Variants in PDE2A observed in about 807,000 individuals in gnomAD.
PDE2A encodes cGMP-dependent 3',5'-cyclic phosphodiesterase.
In PDE2A, 53 loss-of-function variants were observed where a neutral mutation model predicts 133.6. The observed-to-expected ratio is 0.40, with a 90% CI of 0.32 to 0.50. The LOEUF (loss-of-function observed/expected upper bound fraction) is 0.50. Ranked by LOEUF, PDE2A falls within the 20% of genes least tolerant of loss-of-function variation. The pLI, the probability that PDE2A is intolerant of heterozygous loss-of-function variation, is 0.73. For missense variants in PDE2A, 796 were observed against 1,232.4 expected (o/e 0.65, Z 5.30); for synonymous variants, 491 against 490.2 (o/e 1.00, Z -0.02).
intron 16 of PDE2A, 42 bp from the exon 17 acceptor site, chr11:72,584,986 C>A: frequency 6.3e-7 from 1 of 1,586,080 alleles, no homozygotes. Flanking sequence ...CTGACAACCC[C>A]CTCTGATCGC....
At chr11:72,623,565 C>T (rs1857892481) in intron 2 of PDE2A, among the ~76,000 whole-genome samples, 1 of 152,116 alleles carries the variant, frequency 6.6e-6, no homozygotes, top group Non-Finnish European at 1.5e-5. Context: ...CACTGCACAC[C>T]TTCACCTGGA....
Position 72,585,585 on chromosome 11 carries a change from G to C in PDE2A, c.1191C>G (p.Leu397=). The C allele has an allele frequency of 6.2e-7, 1 of 1,614,082 alleles. No individual in the cohort carries two copies. The highest frequency in any genetic ancestry group is 8.5e-7 in the Non-Finnish European group (1 of 1,179,960). Residue 397 remains leucine, a synonymous_variant, in exon 15 of 31, where the codon CTC becomes CTG. Transcript: ENST00000334456. ...GGGTGAAGAGGTTCTTTGCCACTTGGAGAAGAGCCTGGAATGAAGGAAATG... is the reference window on the plus strand; with the variant it reads ...GGGTGAAGAGGTTCTTTGCCACTTGCAGAAGAGCCTGGAATGAAGGAAATG... ...QKLKCECQAL[L]QVAKNLFTHL...
chr11:72,584,216 G>T lies in PDE2A; in HGVS notation c.1635C>A (p.Gly545=). 1 of 1,464,754 alleles carries T rather than the reference G, an allele frequency of 6.8e-7. No homozygotes were observed. Among genetic ancestry groups the T allele is most frequent in the Non-Finnish European group, 9.3e-7 (1 of 1,072,878 alleles). The allele number at this position is 1,464,754 out of a possible 1,614,324, so 90.7% of individuals were successfully genotyped here. ...CCGCCCTCACATGGGCGATGCTGAT[G>T]CCGCAGTAGATGGAGAAGGCCGTCG... ...DLATAFSIYC[G]ISIAHSLLYK... is the part of the protein sequence containing the mutation. The change falls in exon 19 of 31, where the codon GGC becomes GGA. Residue 545 remains glycine (G), a synonymous_variant. Transcript: ENST00000334456.
intron 1 of PDE2A, among the ~76,000 whole-genome samples, chr11:72,647,016 C>T (rs1227677964): frequency 6.6e-6 from 1 of 152,158 alleles, no homozygotes. Flanking sequence ...TTCACCTATC[C>T]CCAGCCCTCC....
At chr11:72,584,380 C>G (rs760010835) in intron 18 of PDE2A, 67 bp from the exon 19 acceptor site, 10 of 1,272,290 alleles carry the variant, frequency 7.9e-6, no homozygotes, top group Non-Finnish European at 1.1e-5. Flanking sequence ...AGGGATCCGG[C>G]CGGGACCTGC....
intron 13 of PDE2A, chr11:72,587,820 C>G (rs1856045142): frequency 6.6e-6 from 1 of 152,278 alleles, no homozygotes; most frequent in Non-Finnish European, 1.5e-5. Context: ...ACTGTCAACA[C>G]AGTTCCATGC....
intron 2 of PDE2A, among the ~76,000 whole-genome samples, chr11:72,640,152 T>G (rs1045372423): frequency 6.6e-6 from 1 of 151,112 alleles, no homozygotes; most frequent in African/African-American, 2.4e-5. Flanking sequence ...ACACCCTCAC[T>G]TCACACCACA....
chr11:72,596,618 G>A lies in PDE2A; in HGVS notation c.464C>T (p.Ala155Val). Residue 155 changes from alanine to valine, a missense_variant, in exon 6 of 31, where the codon GCT becomes GTT. Physicochemically the swap from Ala to Val is moderately conservative, Grantham distance 64. Coordinates refer to ENST00000334456, the MANE Select transcript of PDE2A (RefSeq NM_002599.5). Reference protein sequence around the residue: ...VLVMPLADKEAGAVAAVILVH... With the variant: ...VLVMPLADKEVGAVAAVILVH... ...CAAGATGACAGCTGCCACGGCCCCA[G>A]CCTCCTTGTCCGCTAGCGGCATGAC... is the stretch of plus-strand genomic sequence containing the variant. The A allele has an allele frequency of 6.6e-7, 1 of 1,515,186 alleles. No homozygotes were observed. The highest frequency in any genetic ancestry group is 8.9e-7 in the Non-Finnish European group (1 of 1,124,018). 93.9% of individuals were successfully genotyped at this position (1,515,186 alleles called of 1,614,324 possible).
chr11:72,638,108 G>C (rs907393536), intron 2 of PDE2A, among the ~76,000 whole-genome samples: 5 of 152,026 alleles, frequency 3.3e-5, no homozygotes, highest in Admixed American at 6.5e-5. Context: ...GCCAGCCAGA[G>C]AGCAGCATGG....
chr11:72,589,030 C>A, intron 12 of PDE2A, 116 bp from the exon 13 acceptor site: 10 of 1,287,198 alleles, frequency 7.8e-6, no homozygotes, highest in South Asian at 1.3e-5. Flanking sequence ...AGGCTGGAAG[C>A]TCTGTGTCAT....
Position 72,596,576 on chromosome 11 carries a change from C to G in PDE2A, c.489+17G>C, listed in dbSNP as rs545656986. 1.4e-6 allele frequency: 2 copies of G among 1,461,450 alleles called. No homozygotes were observed. The highest frequency in any genetic ancestry group is 2.6e-5 in the East Asian group (1 of 38,744). 90.5% of individuals were successfully genotyped at this position (1,461,450 alleles called of 1,614,324 possible). A position where few individuals can be genotyped will look rare whatever the true frequency, so the allele number is the denominator to read the frequency against. On this transcript the variant is annotated intron_variant, in intron 6 of 30. Transcript: ENST00000334456. ...GGTCTCCTCTCCCTACATCCCACCG[C>G]CTAGGCAGGCTCTTACCAAGATGAC...
At chr11:72,618,716 C>G (rs1310630278) in intron 2 of PDE2A, among the ~76,000 whole-genome samples, 1 of 152,178 alleles carries the variant, frequency 6.6e-6, no homozygotes, top group South Asian at 2.1e-4. Flanking sequence ...CTCCATTTTT[C>G]AGATGAGAGA....
chr11:72,637,316 C>A (rs978916649), intron 2 of PDE2A, among the ~76,000 whole-genome samples: 7 of 152,262 alleles, frequency 4.6e-5, no homozygotes, highest in African/African-American at 7.2e-5. Context: ...GTACCTAGGT[C>A]TGTGCCACCT....
At chr11:72,608,790 C>A (rs371803252) in intron 2 of PDE2A, 39 bp from the exon 3 acceptor site, 2 of 1,150,620 alleles carry the variant, frequency 1.7e-6, no homozygotes, top group African/African-American at 3.0e-5. Context: ...CTTTGCCAGG[C>A]AGGCCAGGGC....
At position 72,579,256 on chromosome 11, in the gene PDE2A, C is replaced by T. The variant is rs183598830; in HGVS notation, c.2356+28G>A. On this transcript the variant is annotated intron_variant, in intron 27 of 30. Transcript: ENST00000334456. ...CTTCCCCTGGTTGTTCCTCCCCAGC[C>T]CCAAGGACTGGGGCTAACAGCAGTC... 42 of 1,542,144 alleles carry T rather than the reference C, an allele frequency of 2.7e-5. No homozygotes were observed. In the East Asian group the frequency reaches 8.7e-4, roughly 32 times the overall value.
intron 2 of PDE2A, among the ~76,000 whole-genome samples, chr11:72,622,468 G>A (rs1857824915): frequency 6.6e-6 from 1 of 152,202 alleles, no homozygotes; most frequent in Admixed American, 6.5e-5. Context: ...GTCTGGTGTT[G>A]GATGGATGTG....
rs747877930 is a variant in PDE2A, at chr11:72,585,539, G to A, written c.1222+15C>T. 1 of 1,613,950 alleles carries A rather than the reference G, an allele frequency of 6.2e-7. No homozygotes were observed. Among genetic ancestry groups the A allele is most frequent in the African/African-American group, 1.3e-5 (1 of 74,942 alleles). ...ATGCCCACACACAGCCAGGCAGAGAGAACAGTGCACTCACCCAGGTGGGTG... is the reference window on the plus strand; with the variant it reads ...ATGCCCACACACAGCCAGGCAGAGAAAACAGTGCACTCACCCAGGTGGGTG... On this transcript the variant is annotated intron_variant, in intron 15 of 30. Coordinates refer to ENST00000334456, the MANE Select transcript of PDE2A (RefSeq NM_002599.5).
At chr11:72,669,694 G>A (rs1161013223) in intron 1 of PDE2A, among the ~76,000 whole-genome samples, 1 of 152,112 alleles carries the variant, frequency 6.6e-6, no homozygotes, top group African/African-American at 2.4e-5. Flanking sequence ...GCATAATAAG[G>A]GGTGATGGCT....
At chr11:72,659,032 T>A (rs1854977108) in intron 1 of PDE2A, among the ~76,000 whole-genome samples, 1 of 151,972 alleles carries the variant, frequency 6.6e-6, no homozygotes, top group South Asian at 2.1e-4. Context: ...ACCCACTCAA[T>A]CCTTATAATA....
Sources: gnomAD v4.1 joint callset for allele counts (sites outside exome capture counted in the v4.1 genomes callset) on GRCh38, gnomAD v4.1.1 for gene constraint, MANE v1.5 for transcripts, NCBI Gene and HGNC (gene_info 2026-07-23, HGNC 2026-07-21) for gene names.